CACNA1E: variants seen among roughly 807,000 people sequenced by gnomAD.
The protein encoded by CACNA1E is voltage-dependent R-type calcium channel subunit alpha-1E.
Under a neutral mutation model 259.2 loss-of-function variants are expected in CACNA1E, and 40 were observed. That is an observed-to-expected ratio of 0.15 (90% CI 0.12 to 0.20). The LOEUF (loss-of-function observed/expected upper bound fraction) is 0.20. Ranked by LOEUF, CACNA1E falls within the 10% of genes least tolerant of loss-of-function variation. The pLI, the probability that CACNA1E is intolerant of heterozygous loss-of-function variation, is 1.00. For missense variants in CACNA1E, 1,874 were observed against 3,040.1 expected (o/e 0.62, Z 9.02); for synonymous variants, 1,104 against 1,138.5 (o/e 0.97, Z 0.61).
chr1:181,511,119 T>A (rs915585304), intron 2 of CACNA1E, among the ~76,000 whole-genome samples: 3 of 152,202 alleles, frequency 2.0e-5, no homozygotes, highest in Admixed American at 6.5e-5. Context: ...GGGACCTTCC[T>A]GGGAAGGAAG....
rs951672571 is a variant in CACNA1E, at chr1:181,533,248, A to C, written c.512+21738A>C. 4.7e-5 allele frequency among the ~76,000 whole-genome samples: 7 copies of C among 150,144 alleles called. No individual in the cohort carries two copies. The Admixed American group carries it at 4.7e-4, about 10-fold the overall frequency. On this transcript the variant is annotated intron_variant, in intron 3 of 47. Coordinates refer to ENST00000367573, the MANE Select transcript of CACNA1E (RefSeq NM_001205293.3). Reference sequence around the variant, plus strand: ...TAAGATCATAAAAATATTGCATAAAAATTTATTTTCTAGCATAAGTTATGA... The same window carrying C: ...TAAGATCATAAAAATATTGCATAAACATTTATTTTCTAGCATAAGTTATGA...
chr1:181,559,286 C>T (rs895043553), intron 3 of CACNA1E, among the ~76,000 whole-genome samples: 4 of 152,200 alleles, frequency 2.6e-5, no homozygotes, highest in African/African-American at 9.6e-5. Flanking sequence ...AGAATATGTG[C>T]AGGCTGGAGG....
chr1:181,560,352 C>T (rs1030033281), intron 3 of CACNA1E, among the ~76,000 whole-genome samples: 4 of 151,856 alleles, frequency 2.6e-5, no homozygotes, highest in Middle Eastern at 3.4e-3. Context: ...TACCTAAAGA[C>T]AATCACTGTT....
Position 181,772,170 on chromosome 1 carries a change from G to T in CACNA1E, c.5078G>T (p.Arg1693Leu). The change falls in exon 37 of 48, where the codon CGC becomes CTC. Residue 1693 changes from arginine to leucine, a missense_variant. Physicochemically the swap from Arg to Leu is moderately radical, Grantham distance 102. Transcript: ENST00000367573. ...CCATCAGGGCAGAACGAGAACGAAC[G>T]CTGCGGCACCGATCTGGCCTACGTG... is the stretch of plus-strand genomic sequence containing the variant. The part of the protein sequence containing the change: ...TAPSGQNENE[R>L]CGTDLAYVYF... The T allele has an allele frequency of 6.2e-7, 1 of 1,613,968 alleles. No individual in the cohort carries two copies. Among genetic ancestry groups the T allele is most frequent in the Non-Finnish European group, 8.5e-7 (1 of 1,179,864 alleles).
intron 6 of CACNA1E, among the ~76,000 whole-genome samples, chr1:181,638,867 T>C (rs1281010841): frequency 1.3e-5 from 2 of 152,220 alleles, no homozygotes; most frequent in East Asian, 1.9e-4. Flanking sequence ...TCTACCATGA[T>C]TGTAAGTTTC....
intron 8 of CACNA1E, among the ~76,000 whole-genome samples, chr1:181,711,960 C>G (rs1278484550): frequency 1.3e-5 from 2 of 152,128 alleles, no homozygotes; most frequent in African/African-American, 2.4e-5. Context: ...GAGAATAGAC[C>G]ATAGAAGGAT....
intron 27 of CACNA1E, among the ~76,000 whole-genome samples, chr1:181,755,027 C>T (rs1657963598): frequency 6.6e-6 from 1 of 152,138 alleles, no homozygotes; most frequent in South Asian, 2.1e-4. Context: ...ACATGTGTTC[C>T]CATCCCAGGT....
Position 181,733,609 on chromosome 1 carries a change from G to A in CACNA1E, c.3121G>A (p.Asp1041Asn). The part of the protein sequence containing the change: ...EQALLGNVQL[D>N]MGRVISQSEP... ...GGCCCTGCTGGGGAATGTGCAGCTA[G>A]ACATGGGCCGGGTCATCAGCCAGAG... The change falls in exon 21 of 48, where the codon GAC becomes AAC. Residue 1041 changes from aspartate to asparagine, a missense_variant. By Grantham distance (23) the Asp-to-Asn change is conservative. This residue lies in a region of CACNA1E where 476 missense variants were observed against 514.0 expected (regional missense o/e 0.93). Transcript: ENST00000367573. The A allele has an allele frequency of 6.2e-7, 1 of 1,612,980 alleles. No homozygotes were observed. Among genetic ancestry groups the A allele is most frequent in the Non-Finnish European group, 8.5e-7 (1 of 1,179,492 alleles).
chr1:181,521,624 TA>T (rs1181228844), intron 3 of CACNA1E, among the ~76,000 whole-genome samples: 2 of 152,194 alleles, frequency 1.3e-5, no homozygotes, highest in Non-Finnish European at 2.9e-5. Context: ...TGGATGGAGA[TA>T]TAGCCTCTAT....
chr1:181,651,276 A>G (rs1261869657), intron 6 of CACNA1E, 62 bp from the exon 7 acceptor site: 19 of 1,078,586 alleles, frequency 1.8e-5, no homozygotes, highest in Admixed American at 1.4e-4. Context: ...AGCTGCAAGA[A>G]TGTAAGCTTT....
At chr1:181,737,700 C>T (rs772453808) in intron 23 of CACNA1E, 46 bp downstream of exon 23, 3 of 1,590,396 alleles carry the variant, frequency 1.9e-6, no homozygotes, top group Non-Finnish European at 2.6e-6. Context: ...TGCTCTGGTG[C>T]TCACCCCATC....
At chr1:181,545,573 A>C (rs1647358489) in intron 3 of CACNA1E, among the ~76,000 whole-genome samples, 1 of 152,126 alleles carries the variant, frequency 6.6e-6, no homozygotes, top group Non-Finnish European at 1.5e-5. Context: ...CTGGCTCCAC[A>C]CAGGCTGTCC....
At chr1:181,542,277 G>A (rs1668641291) in intron 3 of CACNA1E, among the ~76,000 whole-genome samples, 1 of 152,152 alleles carries the variant, frequency 6.6e-6, no homozygotes, top group Non-Finnish European at 1.5e-5. Context: ...GCTAATTACT[G>A]TTTTAAGCCA....
At chr1:181,675,727 C>T (rs1649302357) in intron 7 of CACNA1E, among the ~76,000 whole-genome samples, 1 of 152,210 alleles carries the variant, frequency 6.6e-6, no homozygotes, top group African/African-American at 2.4e-5. Context: ...CTTCTTGTCA[C>T]CCTCTGTGTG....
intron 3 of CACNA1E, among the ~76,000 whole-genome samples, chr1:181,563,239 G>A (rs370432447): frequency 1.3e-5 from 2 of 152,132 alleles, no homozygotes; most frequent in African/African-American, 4.8e-5. Context: ...CCTAGGAGGC[G>A]GATTGCCTAT....
At chr1:181,693,583 T>A (rs1457254029) in intron 7 of CACNA1E, among the ~76,000 whole-genome samples, 1 of 152,202 alleles carries the variant, frequency 6.6e-6, no homozygotes, top group Non-Finnish European at 1.5e-5. Context: ...ATGTTCTCAC[T>A]TATAAGTGGG....
intron 25 of CACNA1E, among the ~76,000 whole-genome samples, chr1:181,742,160 T>C (rs1313808131): frequency 6.6e-6 from 1 of 152,196 alleles, no homozygotes; most frequent in Non-Finnish European, 1.5e-5. Flanking sequence ...GCACCCATGC[T>C]TTCTAACTCT....
In CACNA1E at chr1:181,793,832, G is replaced by C. The variant is rs763232294; in HGVS notation, c.6027+39G>C. ...ACCTACATTAATGCAGTGGCATCCG[G>C]GCTGTATTAGCTGGGTTATGGAATA... On this transcript the variant is annotated intron_variant, in intron 45 of 47. Coordinates refer to ENST00000367573, the MANE Select transcript of CACNA1E (RefSeq NM_001205293.3). The C allele has an allele frequency of 4.4e-6, 7 of 1,599,984 alleles. 1 individual carries two copies. The Middle Eastern group carries it at 8.5e-4, about 194-fold the overall frequency.
At chr1:181,518,860 GT>G (rs1388489542) in intron 3 of CACNA1E, among the ~76,000 whole-genome samples, 1 of 152,208 alleles carries the variant, frequency 6.6e-6, no homozygotes, top group East Asian at 1.9e-4. Context: ...ACAGAACTGA[GT>G]GGGGCCTGAA....
Sources: allele counts gnomAD v4.1 joint callset (sites outside exome capture counted in the v4.1 genomes callset), GRCh38; gene constraint gnomAD v4.1.1; regional missense constraint gnomAD v4.1.1; transcripts MANE v1.5; gene names NCBI Gene and HGNC (gene_info 2026-07-23, HGNC 2026-07-21).